Variants in KLK5 observed in about 807,000 individuals in gnomAD.
KLK5 encodes kallikrein-5.
KLK5 carries 18 observed loss-of-function variants against 24.0 expected under a neutral mutation model. The observed-to-expected ratio is 0.75, with a 90% CI of 0.52 to 1.11. The LOEUF is 1.11. Among genes scored for constraint, KLK5 ranks in the 50% most tolerant of loss-of-function variants. KLK5 has a pLI of 0.00. For synonymous variants in KLK5, 140 were observed against 154.0 expected (o/e 0.91, Z 0.67); for missense variants, 374 against 379.2 (o/e 0.99, Z 0.11).
At chr19:50,944,975 TTTCTTTCTTTC>T (rs1254939600) in intron 5 of KLK5, among the ~76,000 whole-genome samples, 2 of 151,356 alleles carry the variant, frequency 1.3e-5, no homozygotes, top group African/African-American at 2.4e-5. Context: ...TTCTTTCTTC[TTTCTTTCTTTC>T]TTTTTCTTTC....
In KLK5 at chr19:50,948,842, A is replaced by G. The variant is rs980639183; in HGVS notation, c.592+17T>C. On this transcript the variant is annotated intron_variant, in intron 4 of 5. Transcript: ENST00000336334. ...CGGCAGAGATGGGTCGGTATCAAGA[A>G]GAACCTGGACACTCACCTTGGGGGC... The G allele has an allele frequency of 1.4e-5, 22 of 1,613,978 alleles. No homozygotes were observed. The South Asian group carries it at 2.3e-4, about 17-fold the overall frequency.
intron 5 of KLK5, among the ~76,000 whole-genome samples, chr19:50,944,752 A>G (rs1304909348): frequency 6.6e-6 from 1 of 152,162 alleles, no homozygotes; most frequent in Non-Finnish European, 1.5e-5. Context: ...GCCCCTCCAT[A>G]TAGTTGTGAC....
Position 50,947,687 on chromosome 19 carries a change from T to C in KLK5, c.726+953A>G, listed in dbSNP as rs1387591087. On this transcript the variant is annotated intron_variant, in intron 5 of 5. Coordinates refer to ENST00000336334, the MANE Select transcript of KLK5 (RefSeq NM_012427.5). The surrounding 1 kb of genome is among the most constrained non-coding windows in gnomAD (Gnocchi z 8.7). ...ATTTCTCTTTTCCTTCCTCAAGATATTTTACCAGCACTTGCTAGAAAACTG... is the reference window on the plus strand; with the variant it reads ...ATTTCTCTTTTCCTTCCTCAAGATACTTTACCAGCACTTGCTAGAAAACTG... 6.6e-6 allele frequency among the ~76,000 whole-genome samples: 1 copy of C among 152,224 alleles called. No individual in the cohort carries two copies. The highest frequency in any genetic ancestry group is 2.4e-5 in the African/African-American group (1 of 41,468).
chr19:50,948,779 A>G lies in KLK5; in HGVS notation c.593-6T>C. ...GAGGACCTTAGGGAAGTGCACTGTCAAACAGGAACACAATGAGAAGTGGAG... is the reference window on the plus strand; with the variant it reads ...GAGGACCTTAGGGAAGTGCACTGTCGAACAGGAACACAATGAGAAGTGGAG... On this transcript the variant is annotated splice_region_variant and splice_polypyrimidine_tract_variant and intron_variant, in intron 4 of 5. Transcript: ENST00000336334. The G allele has an allele frequency of 6.2e-7, 1 of 1,614,122 alleles. No individual in the cohort carries two copies. Among genetic ancestry groups the G allele is most frequent in the East Asian group, 2.2e-5 (1 of 44,882 alleles).
At chr19:50,945,563 C>T (rs1194134575) in intron 5 of KLK5, among the ~76,000 whole-genome samples, 1 of 151,624 alleles carries the variant, frequency 6.6e-6, no homozygotes, top group African/African-American at 2.4e-5. Flanking sequence ...GAGGCCGAGG[C>T]AGGCAGATCA....
rs1379318296 is a variant in KLK5 at position 50,947,680 on chromosome 19, C to G, written c.726+960G>C. ...CTACCAGATTTCTCTTTTCCTTCCT[C>G]AAGATATTTTACCAGCACTTGCTAG... On this transcript the variant is annotated intron_variant, in intron 5 of 5. Coordinates refer to ENST00000336334, the MANE Select transcript of KLK5 (RefSeq NM_012427.5). This position sits in a 1 kb window ranked among gnomAD's most constrained non-coding sequence, Gnocchi z 8.7. Among the ~76,000 whole-genome samples, 1 of 152,112 alleles carries G rather than the reference C, an allele frequency of 6.6e-6. No homozygotes were observed. The highest frequency in any genetic ancestry group is 6.6e-5 in the Admixed American group (1 of 15,266).
chr19:50,944,386 T>TC (rs2090613366), intron 5 of KLK5, among the ~76,000 whole-genome samples: 1 of 152,172 alleles, frequency 6.6e-6, no homozygotes, highest in Admixed American at 6.5e-5. Context: ...ACACATCATT[T>TC]CGGGGGGGTC....
chr19:50,950,105 C>T lies in KLK5; in HGVS notation c.85G>A (p.Ala29Thr), dbSNP rs759653252. The T allele has an allele frequency of 9.3e-6, 15 of 1,608,522 alleles. No homozygotes were observed. The highest frequency in any genetic ancestry group is 1.3e-5 in the Non-Finnish European group (15 of 1,177,016). The change falls in exon 3 of 6, where the codon GCC (alanine) becomes ACC (threonine). Residue 29 changes from alanine (A) to threonine (T), a missense_variant. Coordinates refer to ENST00000336334, the MANE Select transcript of KLK5 (RefSeq NM_012427.5). ...TGGTCACAGGAAACATCATTGTTGG[C>T]GAGAACATGCTCTGGGAACGGAAAA... is the stretch of plus-strand genomic sequence containing the variant. Reference protein sequence around the residue: ...LLLGVTEHVLANNDVSCDHPS... With the variant: ...LLLGVTEHVLTNNDVSCDHPS...
intron 5 of KLK5, among the ~76,000 whole-genome samples, chr19:50,946,432 C>G (rs926354631): frequency 7.0e-6 from 1 of 143,330 alleles, no homozygotes. Context: ...ACACCCAGAC[C>G]ACACACCGGT....
chr19:50,949,362 C>A (rs2090663894), intron 3 of KLK5, among the ~76,000 whole-genome samples: 1 of 151,654 alleles, frequency 6.6e-6, no homozygotes, highest in Non-Finnish European at 1.5e-5. Flanking sequence ...TTCTCAAGCC[C>A]AAATCCAACC....
chr19:50,945,008 T>G (rs2090618569), intron 5 of KLK5, among the ~76,000 whole-genome samples: 1 of 151,432 alleles, frequency 6.6e-6, no homozygotes, highest in African/African-American at 2.4e-5. Flanking sequence ...TTCTCTTTCT[T>G]CCTTTCTTTC....
At chr19:50,949,796 C>CCCGTCCCCCCCAGCCCTCCCCTCCCTGA in intron 3 of KLK5, 59 bp downstream of exon 3, 1 of 165,018 alleles carries the variant, frequency 6.1e-6, no homozygotes, top group Non-Finnish European at 1.2e-5. Context: ...CCCCCACTTC[C>CCCGTCCCCCCCAGCCCTCCCCTCCCTGA]CCACCCCCAC....
In KLK5 at chr19:50,943,685, C is replaced by T. The variant is rs199972562; in HGVS notation, c.828G>A (p.Thr276=). The part of the protein sequence containing the change: ...CARPNRPGVY[T]NLCKFTKWIQ... ...TCCACTTGGTGAACTTGCAGAGGTT[C>T]GTGTAGACACCCGGTCTGTTGGGCC... The change falls in exon 6 of 6, where the codon ACG becomes ACA. Residue 276 remains threonine (T), a synonymous_variant. Transcript: ENST00000336334. The T allele has an allele frequency of 6.2e-6, 10 of 1,613,938 alleles. No homozygotes were observed. The highest frequency in any genetic ancestry group is 1.3e-5 in the African/African-American group (1 of 74,960).
At chr19:50,944,009 CTT>C (rs111307117) in intron 5 of KLK5, among the ~76,000 whole-genome samples, 1 of 144,572 alleles carries the variant, frequency 6.9e-6, no homozygotes. Context: ...CCAAATCCAG[CTT>C]TTTTTTTTTT....
At chr19:50,951,462 G>A (rs1213960469) in intron 2 of KLK5, among the ~76,000 whole-genome samples, 1 of 151,902 alleles carries the variant, frequency 6.6e-6, no homozygotes, top group Non-Finnish European at 1.5e-5. Flanking sequence ...TAGTAGAGAC[G>A]GGGTTCTCCA....
At position 50,943,743 on chromosome 19, in the gene KLK5, C is replaced by A; in HGVS notation, c.770G>T (p.Gly257Val). The A allele has an allele frequency of 6.2e-7, 1 of 1,613,864 alleles. No individual in the cohort carries two copies. Among genetic ancestry groups the A allele is most frequent in the Non-Finnish European group, 8.5e-7 (1 of 1,179,878 alleles). The change falls in exon 6 of 6, where the codon GGA (glycine) becomes GTA (valine). Residue 257 changes from glycine to valine, a missense_variant. Transcript: ENST00000336334. ...GPVVCNGSLQGLVSWGDYPCA... is the reference protein window; with the variant it reads ...GPVVCNGSLQVLVSWGDYPCA... ...AGGGTAATCTCCCCAGGACACGAGT[C>A]CCTGCAGGGAGCCATTGCAGACCAC... is the stretch of plus-strand genomic sequence containing the variant.
intron 2 of KLK5, among the ~76,000 whole-genome samples, chr19:50,952,208 A>G (rs1304193791): frequency 1.9e-5 from 1 of 53,942 alleles, no homozygotes. Flanking sequence ...AGTCATATAC[A>G]ATGCCAAGTC....
Position 50,949,933 on chromosome 19 carries a change from A to G in KLK5, c.257T>C (p.Leu86Pro), listed in dbSNP as rs553491215. 1 of 1,613,452 alleles carries G rather than the reference A, an allele frequency of 6.2e-7. No homozygotes were observed. Among genetic ancestry groups the G allele is most frequent in the South Asian group, 1.1e-5 (1 of 91,054 alleles). Reference protein sequence around the residue: ...HTQPWQAALLLRPNQLYCGAV... With the variant: ...HTQPWQAALLPRPNQLYCGAV... ...CCCGCAGTAGAGCTGGTTGGGCCTT[A>G]GCAACAGCGCGGCCTGCCACGGCTG... Residue 86 changes from leucine (L) to proline (P), a missense_variant, in exon 3 of 6, where the codon CTA (leucine) becomes CCA (proline). Physicochemically the swap from Leu to Pro is moderately conservative, Grantham distance 98. Transcript: ENST00000336334.
rs2659092 is a variant in KLK5 at position 50,943,404 on chromosome 19, C to T, written c.*227G>A. The T allele has an allele frequency of 0.05, 22,696 of 450,350 alleles. 678 individuals carry two copies. The highest frequency in any genetic ancestry group is 0.088 in the African/African-American group (4,494 of 51,084). 27.9% of individuals were successfully genotyped at this position (450,350 alleles called of 1,614,324 possible). A position where few individuals can be genotyped will look rare whatever the true frequency, so the allele number is the denominator to read the frequency against. ...TGAAAGTGCCCCAGGGAGATTGAGA[C>T]GCAACCCCCGCCCTGGACAGTTTTG... On this transcript the variant is annotated 3_prime_UTR_variant, in exon 6 of 6. Coordinates refer to ENST00000336334, the MANE Select transcript of KLK5 (RefSeq NM_012427.5).
Sources: allele counts gnomAD v4.1 joint callset (sites outside exome capture counted in the v4.1 genomes callset), GRCh38; gene constraint gnomAD v4.1.1; non-coding constraint Gnocchi (gnomAD v3.1); transcripts MANE v1.5; gene names NCBI Gene and HGNC (gene_info 2026-07-23, HGNC 2026-07-21).